Variants in ADSL observed in about 807,000 individuals in gnomAD.
ADSL encodes the protein adenylosuccinate lyase.
A neutral mutation model predicts 62.1 loss-of-function variants in ADSL; 44 were observed. The observed-to-expected ratio is 0.71, with a 90% CI of 0.56 to 0.91. The LOEUF (loss-of-function observed/expected upper bound fraction) is 0.91, where lower values mean the gene tolerates loss of function less well. ADSL is among the 40% of genes least tolerant of loss of function. The pLI, the probability that ADSL is intolerant of heterozygous loss-of-function variation, is 0.00. For missense variants in ADSL, 531 were observed against 627.4 expected (o/e 0.85, Z 1.64); for synonymous variants, 198 against 220.5 (o/e 0.90, Z 0.90).
intron 4 of ADSL, among the ~76,000 whole-genome samples, chr22:40,357,781 T>C (rs1025845611): frequency 1.3e-5 from 2 of 152,226 alleles, no homozygotes; most frequent in Non-Finnish European, 2.9e-5. Context: ...GTTTCTTTTT[T>C]TTCATTTGTT....
At chr22:40,376,486 A>G (rs2146756542) in intron 2 of ADSL, 1 of 152,234 alleles carries the variant, frequency 6.6e-6, no homozygotes, top group African/African-American at 2.4e-5. Context: ...GAGAACTTAC[A>G]AGTTATCTGT....
At chr22:40,386,114 A>G (rs1479828972) in intron 2 of ADSL, among the ~76,000 whole-genome samples, 1 of 151,704 alleles carries the variant, frequency 6.6e-6, no homozygotes, top group Non-Finnish European at 1.5e-5. Context: ...TCCTGCACTC[A>G]AGCAATCCAT....
intron 2 of ADSL, among the ~76,000 whole-genome samples, chr22:40,381,172 G>C (rs138956198): frequency 1.3e-5 from 2 of 151,514 alleles, no homozygotes; most frequent in African/African-American, 4.8e-5. Flanking sequence ...TTTTGAGACA[G>C]GGCCTCATTC....
chr22:40,359,050 A>T lies in ADSL; in HGVS notation c.654+15A>T. ...ATGACCATAAGGTATTCTGAAAGTG[A>T]CCTGCAGGACACAGAAACTCAATGG... On this transcript the variant is annotated intron_variant, in intron 5 of 12. Coordinates refer to ENST00000623063, the MANE Select transcript of ADSL (RefSeq NM_000026.4). The T allele has an allele frequency of 6.2e-7, 1 of 1,613,816 alleles. No individual in the cohort carries two copies. Among genetic ancestry groups the T allele is most frequent in the Non-Finnish European group, 8.5e-7 (1 of 1,179,886 alleles).
chr22:40,360,520 GA>G, intron 7 of ADSL, 28 bp downstream of exon 7: 1 of 1,565,876 alleles, frequency 6.4e-7, no homozygotes, highest in Non-Finnish European at 8.8e-7. Context: ...GTGGGGTGGG[GA>G]CAGGAGCTTT....
intron 10 of ADSL, among the ~76,000 whole-genome samples, chr22:40,363,695 C>T (rs1452538836): frequency 6.7e-6 from 1 of 148,360 alleles, no homozygotes; most frequent in Admixed American, 6.7e-5. Flanking sequence ...GAGATCGTGT[C>T]ATTGTACTCC....
intron 2 of ADSL, among the ~76,000 whole-genome samples, chr22:40,386,322 TAATATA>T (rs1308216625): frequency 6.6e-6 from 1 of 152,138 alleles, no homozygotes; most frequent in South Asian, 2.1e-4. Context: ...AAGTGTGAAA[TAATATA>T]AAGATATGGA....
downstream of ADSL, among the ~76,000 whole-genome samples, chr22:40,374,128 A>AT (rs1301602342): frequency 6.7e-6 from 1 of 150,088 alleles, no homozygotes; most frequent in African/African-American, 2.5e-5. Flanking sequence ...AATTTTTTGT[A>AT]TTTTTTTTAG....
intron 6 of ADSL, among the ~76,000 whole-genome samples, chr22:40,359,819 C>T (rs1475543691): frequency 6.6e-6 from 1 of 152,220 alleles, no homozygotes; most frequent in South Asian, 2.1e-4. Context: ...GCATGAGCCA[C>T]CATGCCTGAC....
At position 40,354,278 on chromosome 22, in the gene ADSL, T is replaced by G; in HGVS notation, c.433T>G (p.Phe145Val). The change falls in exon 4 of 13, where the codon TTT (phenylalanine) becomes GTT (valine). Residue 145 changes from phenylalanine (F) to valine (V), a missense_variant. Physicochemically the swap from Phe to Val is conservative, Grantham distance 50 (BLOSUM62 -1). Coordinates refer to ENST00000623063, the MANE Select transcript of ADSL (RefSeq NM_000026.4). Reference protein sequence around the residue: ...LARVISRLADFAKERASLPTL... With the variant: ...LARVISRLADVAKERASLPTL... ...CAGAGTGATCTCTCGGCTTGCCGAC[T>G]TTGCTAAGGAACGAGCCAGTCTACC... is the stretch of plus-strand genomic sequence containing the variant. 4 of 1,614,242 alleles carry G rather than the reference T, an allele frequency of 2.5e-6. No homozygotes were observed. Among genetic ancestry groups the G allele is most frequent in the Non-Finnish European group, 3.4e-6 (4 of 1,180,040 alleles).
intron 2 of ADSL, among the ~76,000 whole-genome samples, chr22:40,376,755 CT>C (rs1756108542): frequency 1.3e-5 from 2 of 152,000 alleles, no homozygotes; most frequent in South Asian, 4.2e-4. Context: ...AGAGTTTATG[CT>C]CATAATCTCC....
At chr22:40,364,504 T>C (rs2044924768) in intron 11 of ADSL, 139 bp downstream of exon 11, 1 of 797,430 alleles carries the variant, frequency 1.3e-6, no homozygotes. Context: ...GGCCATAATC[T>C]GCCATCTATG....
intron 2 of ADSL, among the ~76,000 whole-genome samples, chr22:40,374,713 C>G (rs1445724024): frequency 6.6e-6 from 1 of 152,204 alleles, no homozygotes; most frequent in Non-Finnish European, 1.5e-5. Flanking sequence ...GAAATGCCAT[C>G]TCGACCAAAA....
At chr22:40,385,901 G>C (rs2048336716) in intron 2 of ADSL, among the ~76,000 whole-genome samples, 1 of 152,084 alleles carries the variant, frequency 6.6e-6, no homozygotes, top group Admixed American at 6.6e-5. Flanking sequence ...GCCCAGGCTG[G>C]AGTGCAGTGG....
At chr22:40,377,713 G>A (rs1262276394) in intron 2 of ADSL, among the ~76,000 whole-genome samples, 2 of 152,072 alleles carry the variant, frequency 1.3e-5, no homozygotes, top group Non-Finnish European at 1.5e-5. Flanking sequence ...GGGCATGGTG[G>A]CATGTGCCTG....
chr22:40,358,627 C>T (rs531958738), intron 4 of ADSL, among the ~76,000 whole-genome samples: 43 of 152,268 alleles, frequency 2.8e-4, no homozygotes, highest in African/African-American at 9.4e-4. Flanking sequence ...GAAGAAAGTA[C>T]TATGCTAATC....
Position 40,357,293 on chromosome 22 carries a change from A to C in ADSL, c.483-1571A>C, listed in dbSNP as rs985470270. Among the ~76,000 whole-genome samples the C allele has an allele frequency of 6.6e-5, 8 of 120,758 alleles. No homozygotes were observed. In the Admixed American group the frequency reaches 6.9e-4, roughly 10 times the overall value. 79.2% of individuals were successfully genotyped at this position (120,758 alleles called of 152,430 possible). A position where few individuals can be genotyped will look rare whatever the true frequency, so the allele number is the denominator to read the frequency against. On this transcript the variant is annotated intron_variant, in intron 4 of 12. Transcript: ENST00000623063. ...TTTGACATGGAGTTTCGCTTTTGTC[A>C]TCCAGGCTGGAGTGCAGTGGCACAA...
chr22:40,349,936 T>G lies in ADSL; in HGVS notation c.258T>G (p.His86Gln), dbSNP rs1327764464. The G allele has an allele frequency of 3.1e-6, 5 of 1,614,020 alleles. No homozygotes were observed. Among genetic ancestry groups the G allele is most frequent in the African/African-American group, 1.3e-5 (1 of 74,916 alleles). ...CTGAGGAAGAGAAACGTTTACGACATGATGTGATGGCTCACGTGCACACAT... is the reference window on the plus strand; with the variant it reads ...CTGAGGAAGAGAAACGTTTACGACAGGATGTGATGGCTCACGTGCACACAT... ...MAAEEEKRLR[H>Q]DVMAHVHTFG... The change falls in exon 2 of 13, where the codon CAT becomes CAG. Residue 86 changes from histidine to glutamine, a missense_variant. By Grantham distance (24) the His-to-Gln change is conservative. Coordinates refer to ENST00000623063, the MANE Select transcript of ADSL (RefSeq NM_000026.4).
intron 2 of ADSL, among the ~76,000 whole-genome samples, chr22:40,352,468 C>A (rs2044385638): frequency 6.6e-6 from 1 of 152,032 alleles, no homozygotes; most frequent in Admixed American, 6.6e-5. Flanking sequence ...GTGGAGCTCG[C>A]AGTGAGCTGA....
Sources: allele counts gnomAD v4.1 joint callset (sites outside exome capture counted in the v4.1 genomes callset), GRCh38; gene constraint gnomAD v4.1.1; transcripts MANE v1.5; gene names NCBI Gene and HGNC (gene_info 2026-07-23, HGNC 2026-07-21).